Variants in MARCHF3 observed in about 807,000 individuals in gnomAD.
MARCHF3 encodes the protein E3 ubiquitin-protein ligase MARCHF3.
Under a neutral mutation model 24.2 loss-of-function variants are expected in MARCHF3, and 13 were observed. That is an observed-to-expected ratio of 0.54 (90% CI 0.35 to 0.85). The LOEUF is 0.85. MARCHF3 is among the 40% of genes least tolerant of loss of function. The pLI, the probability that MARCHF3 is intolerant of heterozygous loss-of-function variation, is 0.01. For missense variants in MARCHF3, 276 were observed against 325.0 expected, an observed-to-expected ratio of 0.85 and a Z score of 1.16; for synonymous variants, 144 against 137.3, an observed-to-expected ratio of 1.05 and a Z score of -0.34.
At chr5:126,956,514 G>A (rs768566587) in intron 1 of MARCHF3, among the ~76,000 whole-genome samples, 16 of 151,108 alleles carry the variant, frequency 1.1e-4, no homozygotes, top group Admixed American at 7.9e-4. Flanking sequence ...GTGTGGTGGC[G>A]GGCACCTGTA....
chr5:126,992,405 G>T (rs1437176803), intron 1 of MARCHF3, among the ~76,000 whole-genome samples: 1 of 152,190 alleles, frequency 6.6e-6, no homozygotes, highest in African/African-American at 2.4e-5. Flanking sequence ...GTGACTTATA[G>T]GCAGGCATCT....
intron 1 of MARCHF3, among the ~76,000 whole-genome samples, chr5:126,996,922 T>C (rs73786285): frequency 0.052 from 7,839 of 152,152 alleles, 372 homozygotes; most frequent in South Asian, 0.14. Context: ...TATACAAACT[T>C]CTAGGAGGGT....
intron 3 of MARCHF3, among the ~76,000 whole-genome samples, chr5:126,890,211 G>C (rs1392038890): frequency 1.3e-5 from 2 of 151,358 alleles, no homozygotes; most frequent in Non-Finnish European, 2.9e-5. Flanking sequence ...AATGTTTGTA[G>C]ATCACTTTGC....
chr5:127,004,308 A>G (rs1456305911), intron 1 of MARCHF3, among the ~76,000 whole-genome samples: 1 of 152,184 alleles, frequency 6.6e-6, no homozygotes, highest in African/African-American at 2.4e-5. Flanking sequence ...ACACAGATCA[A>G]TAATGCTTGC....
At chr5:126,950,749 C>T (rs569699045) in intron 1 of MARCHF3, among the ~76,000 whole-genome samples, 1 of 152,292 alleles carries the variant, frequency 6.6e-6, no homozygotes, top group African/African-American at 2.4e-5. Context: ...CAAAAAAGCC[C>T]CTCTTTTACT....
At chr5:126,909,017 G>C (rs1237141442) in intron 3 of MARCHF3, among the ~76,000 whole-genome samples, 2 of 152,164 alleles carry the variant, frequency 1.3e-5, no homozygotes, top group African/African-American at 4.8e-5. Flanking sequence ...TGTCCTTTCT[G>C]TTTGTTAGTT....
intron 4 of MARCHF3, among the ~76,000 whole-genome samples, chr5:126,877,463 T>A (rs1753195211): frequency 6.6e-6 from 1 of 152,204 alleles, no homozygotes; most frequent in African/African-American, 2.4e-5. Flanking sequence ...AGAGATCAAA[T>A]GTTGCATTTT....
In MARCHF3 at chr5:126,948,911, T is replaced by C. The variant is rs549900919; in HGVS notation, c.-56-30684A>G. ...AGGTAGCATTTGTCCCCTGTGTCTT[T>C]GTGAGTGTGCCTTTGTCGGCCTACA... On this transcript the variant is annotated intron_variant, in intron 1 of 4. Coordinates refer to ENST00000308660, the MANE Select transcript of MARCHF3 (RefSeq NM_178450.5). Among the ~76,000 whole-genome samples, 7 of 152,254 alleles carry C rather than the reference T, an allele frequency of 4.6e-5. No homozygotes were observed. The South Asian group carries it at 1.5e-3, about 32-fold the overall frequency.
rs566590794 is a variant in MARCHF3 at position 126,975,498 on chromosome 5, T to C, written c.-57+54852A>G. Reference sequence around the variant, plus strand: ...TTTGTAGTAAAAACATTCAAAATCCTCTCTTCTAGCTATCAAGTTATTTTG... The same window carrying C: ...TTTGTAGTAAAAACATTCAAAATCCCCTCTTCTAGCTATCAAGTTATTTTG... On this transcript the variant is annotated intron_variant, in intron 1 of 4. Transcript: ENST00000308660. Among the ~76,000 whole-genome samples the C allele has an allele frequency of 1.1e-4, 17 of 152,332 alleles. No individual in the cohort carries two copies. The South Asian group carries it at 3.5e-3, about 32-fold the overall frequency.
intron 3 of MARCHF3, among the ~76,000 whole-genome samples, chr5:126,884,291 G>A (rs1375231065): frequency 1.3e-5 from 2 of 151,998 alleles, no homozygotes; most frequent in East Asian, 1.9e-4. Context: ...TCCACAGTCT[G>A]TCAATGAGTT....
At chr5:126,973,990 C>T (rs1052651710) in intron 1 of MARCHF3, among the ~76,000 whole-genome samples, 8 of 145,440 alleles carry the variant, frequency 5.5e-5, no homozygotes, top group African/African-American at 1.3e-4. Flanking sequence ...CTCCACTTCC[C>T]GGGTTCACGC....
At chr5:126,936,382 G>T (rs1177971522) in intron 1 of MARCHF3, among the ~76,000 whole-genome samples, 1 of 152,142 alleles carries the variant, frequency 6.6e-6, no homozygotes, top group Non-Finnish European at 1.5e-5. Context: ...CCAGGGAAAG[G>T]TTAAATAAAT....
intron 4 of MARCHF3, among the ~76,000 whole-genome samples, chr5:126,877,709 A>T (rs1435600884): frequency 6.6e-6 from 1 of 152,224 alleles, no homozygotes; most frequent in Non-Finnish European, 1.5e-5. Flanking sequence ...CTCCACGTCC[A>T]ACAAAGACTT....
At chr5:127,000,634 C>A (rs1186057299) in intron 1 of MARCHF3, among the ~76,000 whole-genome samples, 1 of 152,220 alleles carries the variant, frequency 6.6e-6, no homozygotes. Flanking sequence ...GGAACTGCAA[C>A]TGCCTTTGAG....
chr5:127,011,314 C>T (rs1336808444), intron 1 of MARCHF3, among the ~76,000 whole-genome samples: 8 of 152,132 alleles, frequency 5.3e-5, no homozygotes, highest in African/African-American at 1.4e-4. Context: ...GATGACTGAT[C>T]CAAATGCAGT....
chr5:126,924,133 T>C (rs538427997), intron 1 of MARCHF3, among the ~76,000 whole-genome samples: 2 of 152,320 alleles, frequency 1.3e-5, no homozygotes, highest in Admixed American at 1.3e-4. Flanking sequence ...CAATCAATCA[T>C]GCGCTTGCTC....
At chr5:127,016,538 T>C (rs774070891) in intron 1 of MARCHF3, among the ~76,000 whole-genome samples, 1 of 152,070 alleles carries the variant, frequency 6.6e-6, no homozygotes, top group Non-Finnish European at 1.5e-5. Flanking sequence ...ATCAGAGAAA[T>C]GCAATCAAAA....
chr5:126,908,515 C>T lies in MARCHF3; in HGVS notation c.393+6415G>A, dbSNP rs570169469. On this transcript the variant is annotated intron_variant, in intron 3 of 4. Coordinates refer to ENST00000308660, the MANE Select transcript of MARCHF3 (RefSeq NM_178450.5). ...TCCCATATTTCTTGGAGGCTTTGCT[C>T]GTTTCTTTTTATTCTTTTTTCTCTA... Among the ~76,000 whole-genome samples, 442 of 152,206 alleles carry T rather than the reference C, an allele frequency of 2.9e-3. 2 individuals carry two copies. The highest frequency in any genetic ancestry group is 8.0e-3 in the African/African-American group (334 of 41,520).
chr5:126,910,331 G>T (rs192131436), intron 3 of MARCHF3, among the ~76,000 whole-genome samples: 204 of 152,318 alleles, frequency 1.3e-3, no homozygotes, highest in Non-Finnish European at 2.0e-3. Context: ...CTATTTGCTT[G>T]TCGTAAGATG....
Sources: allele counts gnomAD v4.1 joint callset (sites outside exome capture counted in the v4.1 genomes callset), GRCh38; gene constraint gnomAD v4.1.1; transcripts MANE v1.5; gene names NCBI Gene and HGNC (gene_info 2026-07-23, HGNC 2026-07-21).